The following HNRNPC variants were observed in gnomAD, a reference collection of about 807,000 sequenced individuals.
The protein encoded by HNRNPC is heterogeneous nuclear ribonucleoprotein C, also known as heterogeneous nuclear ribonucleoproteins C1/C2.
A neutral mutation model predicts 33.2 loss-of-function variants in HNRNPC; 3 were observed. That is an observed-to-expected ratio of 0.09 (90% CI 0.04 to 0.23). HNRNPC has a LOEUF of 0.23. HNRNPC is among the 10% of genes least tolerant of loss of function. The probability of loss-of-function intolerance (pLI) is 1.00; values close to 1 mark genes in which losing one functional copy is unlikely to be tolerated. For synonymous variants in HNRNPC, 121 were observed against 126.7 expected, an observed-to-expected ratio of 0.96 and a Z score of 0.30; for missense variants, 143 against 366.7, an observed-to-expected ratio of 0.39 and a Z score of 4.98.
At chr14:21,262,086 C>CTT (rs1878341014) in intron 2 of HNRNPC, among the ~76,000 whole-genome samples, 1 of 152,294 alleles carries the variant, frequency 6.6e-6, no homozygotes, top group Non-Finnish European at 1.5e-5. Flanking sequence ...GATTTCCCTG[C>CTT]TTTGTGAGGT....
At chr14:21,221,168 G>C (rs1345492635) in intron 5 of HNRNPC, among the ~76,000 whole-genome samples, 1 of 152,208 alleles carries the variant, frequency 6.6e-6, no homozygotes, top group Non-Finnish European at 1.5e-5. Flanking sequence ...TATGCCTGCT[G>C]TAAGGACATC....
chr14:21,252,105 A>C (rs766450745), intron 2 of HNRNPC, among the ~76,000 whole-genome samples: 5 of 152,212 alleles, frequency 3.3e-5, no homozygotes, highest in Non-Finnish European at 7.3e-5. Context: ...GAGTATAACC[A>C]TAAGACCCCC....
chr14:21,223,621 T>C (rs757896573), intron 5 of HNRNPC, among the ~76,000 whole-genome samples: 27 of 151,792 alleles, frequency 1.8e-4, no homozygotes, highest in Non-Finnish European at 4.0e-4. Flanking sequence ...TGGTGGCATG[T>C]GCCTGTAGTC....
chr14:21,210,310 A>G lies in HNRNPC; in HGVS notation c.*913T>C, dbSNP rs146182488. 6.6e-6 allele frequency: 1 copy of G among 152,332 alleles called. No homozygotes were observed. The highest frequency in any genetic ancestry group is 2.4e-5 in the African/African-American group (1 of 41,568). The allele number at this position is 152,332 out of a possible 1,614,324, so 9.4% of individuals were successfully genotyped here. A position where few individuals can be genotyped will look rare whatever the true frequency, so the allele number is the denominator to read the frequency against. Reference sequence around the variant, plus strand: ...AAAAGGCAGAGAGGATATACTTCCCAAACTTTCATTAGGATGTAAAAGCCA... The same window carrying G: ...AAAAGGCAGAGAGGATATACTTCCCGAACTTTCATTAGGATGTAAAAGCCA... On this transcript the variant is annotated 3_prime_UTR_variant, in exon 9 of 9. Transcript: ENST00000553300.
intron 4 of HNRNPC, 85 bp downstream of exon 4, chr14:21,230,912 G>T: frequency 6.9e-7 from 1 of 1,445,170 alleles, no homozygotes; most frequent in South Asian, 1.2e-5. Flanking sequence ...AAGAGAAGAT[G>T]CCCACTGATG....
intron 2 of HNRNPC, among the ~76,000 whole-genome samples, chr14:21,259,882 C>CAAAAAAAAAAAAA (rs5807071): frequency 7.5e-6 from 1 of 132,902 alleles, no homozygotes; most frequent in Non-Finnish European, 1.6e-5. Flanking sequence ...CTGTCTCCAC[C>CAAAAAAAAAAAAA]AAAAAAAAAA....
intron 2 of HNRNPC, among the ~76,000 whole-genome samples, chr14:21,243,304 G>A (rs980461139): frequency 3.3e-5 from 5 of 152,066 alleles, no homozygotes; most frequent in Admixed American, 2.6e-4. Context: ...ACTTCAGTGC[G>A]TATCATGTTT....
intron 2 of HNRNPC, among the ~76,000 whole-genome samples, chr14:21,244,379 A>C (rs1895708888): frequency 6.6e-6 from 1 of 152,230 alleles, no homozygotes; most frequent in African/African-American, 2.4e-5. Flanking sequence ...AACAAATAAA[A>C]AATTAAGGTC....
chr14:21,243,355 GAA>G (rs1466599666), intron 2 of HNRNPC, among the ~76,000 whole-genome samples: 1 of 152,156 alleles, frequency 6.6e-6, no homozygotes, highest in Non-Finnish European at 1.5e-5. Context: ...TCATTCAGGA[GAA>G]AAGTGTAGAG....
intron 5 of HNRNPC, among the ~76,000 whole-genome samples, chr14:21,218,303 A>G (rs1280236494): frequency 5.3e-5 from 8 of 152,198 alleles, no homozygotes; most frequent in African/African-American, 1.9e-4. Context: ...ATGGTATTCA[A>G]CAATACACAT....
intron 2 of HNRNPC, among the ~76,000 whole-genome samples, chr14:21,242,831 A>C (rs1340143517): frequency 1.3e-5 from 2 of 152,226 alleles, no homozygotes; most frequent in African/African-American, 4.8e-5. Context: ...GGAAACAATC[A>C]GACAATTTCA....
chr14:21,246,417 T>C (rs1895985159), intron 2 of HNRNPC, among the ~76,000 whole-genome samples: 1 of 151,790 alleles, frequency 6.6e-6, no homozygotes, highest in African/African-American at 2.4e-5. Flanking sequence ...AACAAAAAAA[T>C]TAGCCGGGCG....
Position 21,230,811 on chromosome 14 carries a change from AAAG to A in HNRNPC, c.317+183_317+185del. 6.6e-6 allele frequency: 4 copies of A among 607,198 alleles called. No individual in the cohort carries two copies. The South Asian group carries it at 9.9e-5, about 15-fold the overall frequency. 37.6% of individuals were successfully genotyped at this position (607,198 alleles called of 1,614,324 possible). ...CTCTAGAAATTTTCTCTAGGGCAAA[AAAG>A]AGACATATTAACACAAAAATAATAA... On this transcript the variant is annotated intron_variant, in intron 4 of 8. Coordinates refer to ENST00000553300, the MANE Select transcript of HNRNPC (RefSeq NM_004500.4).
intron 2 of HNRNPC, among the ~76,000 whole-genome samples, chr14:21,235,178 CT>C (rs1383392098): frequency 2.0e-5 from 3 of 152,144 alleles, no homozygotes; most frequent in Non-Finnish European, 4.4e-5. Context: ...TTATTTCATT[CT>C]TTTAGCATTT....
intron 5 of HNRNPC, among the ~76,000 whole-genome samples, chr14:21,218,502 C>A: frequency 6.7e-6 from 1 of 150,230 alleles, no homozygotes; most frequent in South Asian, 2.1e-4. Context: ...GCCTGGCCAA[C>A]ATGGTGAAAC....
At chr14:21,263,013 G>A (rs1404802674) in intron 2 of HNRNPC, 1 of 152,014 alleles carries the variant, frequency 6.6e-6, no homozygotes, top group Non-Finnish European at 1.5e-5. Flanking sequence ...GAGGGCAAGG[G>A]TGGGGTTGGG....
At chr14:21,251,606 C>T (rs1283157520) in intron 2 of HNRNPC, among the ~76,000 whole-genome samples, 1 of 151,744 alleles carries the variant, frequency 6.6e-6, no homozygotes, top group Non-Finnish European at 1.5e-5. Context: ...TGCTTGAACC[C>T]GGGAAGTGGA....
intron 2 of HNRNPC, among the ~76,000 whole-genome samples, chr14:21,254,058 C>T (rs1309692447): frequency 8.2e-5 from 11 of 133,550 alleles, no homozygotes; most frequent in African/African-American, 2.3e-4. Flanking sequence ...GAGATTCCGT[C>T]TCAAAAAAAA....
intron 2 of HNRNPC, among the ~76,000 whole-genome samples, chr14:21,261,385 A>G (rs1380767017): frequency 1.3e-5 from 2 of 152,226 alleles, no homozygotes; most frequent in South Asian, 2.1e-4. Context: ...GCTCTCATAC[A>G]ATAGAGAGCA....
Sources: gnomAD v4.1 joint callset for allele counts (sites outside exome capture counted in the v4.1 genomes callset) on GRCh38, gnomAD v4.1.1 for gene constraint, MANE v1.5 for transcripts, NCBI Gene and HGNC (gene_info 2026-07-23, HGNC 2026-07-21) for gene names.